The following CARS2 variants were observed in gnomAD, a reference collection of about 807,000 sequenced individuals.
The protein encoded by CARS2 is cysteinyl-tRNA synthetase 2, mitochondrial.
A neutral mutation model predicts 68.8 loss-of-function variants in CARS2; 52 were observed. The ratio of observed to expected loss-of-function variants is 0.76; its 90% CI spans 0.61 to 0.95. CARS2 has a LOEUF of 0.95. CARS2 is among the 40% of genes least tolerant of loss of function. CARS2 has a pLI of 0.00. For synonymous variants in CARS2, 314 were observed against 303.6 expected, an observed-to-expected ratio of 1.03 and a Z score of -0.36; for missense variants, 780 against 754.2, an observed-to-expected ratio of 1.03 and a Z score of -0.40.
At chr13:110,660,627 G>A (rs1210324557) in intron 9 of CARS2, among the ~76,000 whole-genome samples, 1 of 152,154 alleles carries the variant, frequency 6.6e-6, no homozygotes, top group Non-Finnish European at 1.5e-5. Context: ...ATTTGGAAAG[G>A]AATCCTTTTT....
At chr13:110,687,231 A>G (rs1323365857) in intron 5 of CARS2, among the ~76,000 whole-genome samples, 1 of 152,200 alleles carries the variant, frequency 6.6e-6, no homozygotes. Flanking sequence ...TAATTCAACC[A>G]TTTCGCAAAG....
upstream of CARS2, among the ~76,000 whole-genome samples, chr13:110,711,288 C>T (rs4771707): frequency 0.63 from 95,993 of 151,974 alleles, 32,108 homozygotes; most frequent in South Asian, 0.77. Flanking sequence ...ACAATCTCGG[C>T]TCACTGCAAC....
intron 2 of CARS2, among the ~76,000 whole-genome samples, chr13:110,702,381 C>T (rs939467944): frequency 3.3e-5 from 5 of 152,180 alleles, no homozygotes; most frequent in East Asian, 1.9e-4. Flanking sequence ...ACAGCTCAGT[C>T]GGCTTGCTTA....
intron 3 of CARS2, chr13:110,697,931 T>C: frequency 4.4e-6 from 2 of 454,878 alleles, no homozygotes; most frequent in Non-Finnish European, 8.8e-6. Flanking sequence ...AGTGAAAATG[T>C]TCCTCAAGGA....
chr13:110,689,075 G>A (rs2063385069), intron 3 of CARS2, among the ~76,000 whole-genome samples: 1 of 152,228 alleles, frequency 6.6e-6, no homozygotes, highest in Non-Finnish European at 1.5e-5. Flanking sequence ...CCAAATGTGG[G>A]GGCCTTGGGG....
intron 3 of CARS2, 89 bp downstream of exon 3, chr13:110,701,349 C>T: frequency 1.4e-6 from 1 of 714,026 alleles, no homozygotes; most frequent in Non-Finnish European, 2.5e-6. Flanking sequence ...CAGGCGTAAG[C>T]TACCACGCCC....
At position 110,705,996 on chromosome 13, in the gene CARS2, G is replaced by A. The variant is rs1566366752; in HGVS notation, c.98C>T (p.Ala33Val). Residue 33 changes from alanine (A) to valine (V), a missense_variant, in exon 1 of 15, where the codon GCG (alanine) becomes GTG (valine). By Grantham distance (64) the Ala-to-Val change is moderately conservative. Transcript: ENST00000257347. The surrounding 1 kb of genome is among the most constrained non-coding windows in gnomAD (Gnocchi z 4.0). ...RAGWHWPAGR[A>V]ASGGRGRAWL... ...GGCCCGCCCGCGCCCCCCGCTCGCC[G>A]CCCGGCCCGCAGGCCAGTGCCACCC... 1 of 1,498,514 alleles carries A rather than the reference G, an allele frequency of 6.7e-7. No homozygotes were observed. The highest frequency in any genetic ancestry group is 1.3e-5 in the South Asian group (1 of 79,382). 92.8% of individuals were successfully genotyped at this position (1,498,514 alleles called of 1,614,324 possible).
rs184281494 is a variant in CARS2, at chr13:110,661,523, T to G, written c.987+1928A>C. 3.9e-5 allele frequency among the ~76,000 whole-genome samples: 6 copies of G among 152,376 alleles called. No individual in the cohort carries two copies. In the East Asian group the frequency reaches 1.2e-3, roughly 29 times the overall value. The stretch of plus-strand genomic sequence containing the variant: ...TTATCAGCAATAAGGTTGTTTTGCT[T>G]GCTAATCATTCGTGTGTTCGCTGGA... On this transcript the variant is annotated intron_variant, in intron 9 of 14. Coordinates refer to ENST00000257347, the MANE Select transcript of CARS2 (RefSeq NM_024537.4).
chr13:110,713,521 G>A (rs1311728675), exon 1 of CARS2: 19 of 986,414 alleles, frequency 1.9e-5, no homozygotes, highest in Non-Finnish European at 2.3e-5. Flanking sequence ...TCTGGAAAAA[G>A]TGACAGGCAA....
intron 2 of CARS2, among the ~76,000 whole-genome samples, chr13:110,702,906 G>A (rs1350774100): frequency 6.6e-6 from 1 of 152,112 alleles, no homozygotes; most frequent in Non-Finnish European, 1.5e-5. Context: ...CCATCCACTG[G>A]GTGAGTGTGC....
chr13:110,690,465 T>C (rs1283502321), intron 3 of CARS2, among the ~76,000 whole-genome samples: 1 of 152,204 alleles, frequency 6.6e-6, no homozygotes, highest in Non-Finnish European at 1.5e-5. Context: ...CTCTGCTCTG[T>C]GCTGCTAGCT....
At chr13:110,646,961 T>TC in intron 11 of CARS2, 140 bp downstream of exon 11, 1 of 1,048,574 alleles carries the variant, frequency 9.5e-7, no homozygotes, top group Non-Finnish European at 1.3e-6. Flanking sequence ...TCCTGGGGCC[T>TC]CTCTGGGCAG....
intron 3 of CARS2, among the ~76,000 whole-genome samples, chr13:110,697,381 C>G (rs146459807): frequency 6.6e-6 from 1 of 152,366 alleles, no homozygotes; most frequent in African/African-American, 2.4e-5. Context: ...TGATCTGACT[C>G]TCAGTTGCAA....
intron 13 of CARS2, chr13:110,642,948 A>C (rs965753128): frequency 5.2e-5 from 20 of 381,368 alleles, no homozygotes; most frequent in Admixed American, 4.2e-4. Flanking sequence ...TCACAGCCTC[A>C]GGTGCTGAGG....
chr13:110,683,004 C>T, intron 6 of CARS2, 47 bp downstream of exon 6: 1 of 1,394,640 alleles, frequency 7.2e-7, no homozygotes, highest in Non-Finnish European at 9.9e-7. Flanking sequence ...GAGCTGAGAC[C>T]CGAGGCAGAG....
At chr13:110,673,365 C>T (rs936181880) in intron 7 of CARS2, among the ~76,000 whole-genome samples, 13 of 150,604 alleles carry the variant, frequency 8.6e-5, no homozygotes, top group African/African-American at 2.2e-4. Context: ...TTATCCACCA[C>T]GATCAAGTGG....
chr13:110,659,241 A>G (rs2062444094), intron 9 of CARS2, among the ~76,000 whole-genome samples: 1 of 152,144 alleles, frequency 6.6e-6, no homozygotes, highest in Non-Finnish European at 1.5e-5. Context: ...TCCCTGGCAT[A>G]CAGATTATTT....
chr13:110,687,946 C>T lies in CARS2; in HGVS notation c.465+1G>A. On this transcript the variant is annotated splice_donor_variant, in intron 4 of 14. Coordinates refer to ENST00000257347, the MANE Select transcript of CARS2 (RefSeq NM_024537.4). LOFTEE classifies it high-confidence loss of function. ...CAGGAACAACCAGCCCCACACTTTA[C>T]CTTCAGGGCTGCCATGTCCTGCTTG... 1 of 1,611,890 alleles carries T rather than the reference C, an allele frequency of 6.2e-7. No individual in the cohort carries two copies. Among genetic ancestry groups the T allele is most frequent in the Non-Finnish European group, 8.5e-7 (1 of 1,178,396 alleles).
chr13:110,671,341 G>A (rs1381816044), intron 7 of CARS2, among the ~76,000 whole-genome samples: 2 of 152,228 alleles, frequency 1.3e-5, no homozygotes, highest in Non-Finnish European at 2.9e-5. Flanking sequence ...ACAAAGGGAA[G>A]CCCATCAGAC....
Sources: gnomAD v4.1 joint callset for allele counts (sites outside exome capture counted in the v4.1 genomes callset) on GRCh38, gnomAD v4.1.1 for gene constraint, Gnocchi (gnomAD v3.1) non-coding constraint, MANE v1.5 for transcripts, NCBI Gene and HGNC (gene_info 2026-07-23, HGNC 2026-07-21) for gene names.